Variants in NTHL1 observed in about 807,000 individuals in gnomAD.
The protein encoded by NTHL1 is nth like DNA glycosylase 1.
A neutral mutation model predicts 32.3 loss-of-function variants in NTHL1; 32 were observed. That is an observed-to-expected ratio of 0.99 (90% CI 0.75 to 1.33). The LOEUF (loss-of-function observed/expected upper bound fraction) is 1.33, where lower values mean the gene tolerates loss of function less well. NTHL1 is among the 40% of genes most tolerant of loss of function. The pLI is 0.00. For missense variants in NTHL1, 501 were observed against 414.1 expected (o/e 1.21, Z -1.82); for synonymous variants, 188 against 176.9 (o/e 1.06, Z -0.50).
Position 2,043,663 on chromosome 16 carries a change from G to C in NTHL1, c.589C>G (p.Pro197Ala), listed in dbSNP as rs897842210. 1 of 1,612,004 alleles carries C rather than the reference G, an allele frequency of 6.2e-7. No individual in the cohort carries two copies. The highest frequency in any genetic ancestry group is 8.5e-7 in the Non-Finnish European group (1 of 1,179,978). Residue 197 changes from proline to alanine, a missense_variant, in exon 4 of 6, where the codon CCA becomes GCA. Pro to Ala is a conservative substitution (Grantham distance 27). Coordinates refer to ENST00000651570, the MANE Select transcript of NTHL1 (RefSeq NM_002528.7). This position sits in a 1 kb window ranked among gnomAD's most constrained non-coding sequence, Gnocchi z 4.4. ...ILQQHYGGDI[P>A]ASVAELVALP... is the part of the protein sequence containing the mutation. ...GCCACCAGCTCGGCCACAGAGGCTGGGATGTCCCCACCGTAGTGCTGCTGC... is the reference window on the plus strand; with the variant it reads ...GCCACCAGCTCGGCCACAGAGGCTGCGATGTCCCCACCGTAGTGCTGCTGC...
At chr16:2,045,927 C>T (rs1032387867) in intron 2 of NTHL1, among the ~76,000 whole-genome samples, 5 of 152,194 alleles carry the variant, frequency 3.3e-5, no homozygotes, top group Admixed American at 2.0e-4. Context: ...GGCAGAAGTT[C>T]GAGCACGAGG....
rs2150945963 is a variant in NTHL1, at chr16:2,046,221, C to G, written c.261G>C (p.Gln87His). The change falls in exon 2 of 6, where the codon CAG becomes CAC. Residue 87 changes from glutamine to histidine, a missense_variant. By Grantham distance (24) the Gln-to-His change is conservative (BLOSUM62 0). Coordinates refer to ENST00000651570, the MANE Select transcript of NTHL1 (RefSeq NM_002528.7). Reference sequence around the variant, plus strand: ...TCCTCATGGCACGGATGTTGACCAGCTGTTGCTGCCAGTCCTGGGGCTCCC... The same window carrying G: ...TCCTCATGGCACGGATGTTGACCAGGTGTTGCTGCCAGTCCTGGGGCTCCC... ...PVWEPQDWQQ[Q>H]LVNIRAMRNK... 6.2e-7 allele frequency: 1 copy of G among 1,613,214 alleles called. No individual in the cohort carries two copies. Among genetic ancestry groups the G allele is most frequent in the South Asian group, 1.1e-5 (1 of 91,088 alleles).
At position 2,040,114 on chromosome 16, in the gene NTHL1, G is replaced by GC. The variant is rs775389995; in HGVS notation, c.791+18dup. On this transcript the variant is annotated intron_variant, in intron 5 of 5. Transcript: ENST00000651570. ...CGGGGTGAGCTCTTCTCCCTAGGAA[G>GC]CCCCCCACATACTCATACCTAGGCA... 2.2e-5 allele frequency: 36 copies of GC among 1,612,908 alleles called. No individual in the cohort carries two copies. The highest frequency in any genetic ancestry group is 2.7e-5 in the Non-Finnish European group (32 of 1,179,802).
chr16:2,040,450 C>T, intron 4 of NTHL1: 1 of 626,988 alleles, frequency 1.6e-6, no homozygotes, highest in Non-Finnish European at 2.9e-6. Flanking sequence ...GTGCAGGCCT[C>T]TCTCCCATCA....
rs774887697 is a variant in NTHL1, at chr16:2,044,732, G to A, written c.423C>T (p.Gly141=). 9 of 1,611,086 alleles carry A rather than the reference G, an allele frequency of 5.6e-6. No homozygotes were observed. Among genetic ancestry groups the A allele is most frequent in the Middle Eastern group, 1.7e-4 (1 of 6,050 alleles). The change falls in exon 3 of 6, where the codon GGC becomes GGT. Residue 141 remains glycine, a synonymous_variant. Coordinates refer to ENST00000651570, the MANE Select transcript of NTHL1 (RefSeq NM_002528.7). The surrounding 1 kb of genome is among the most constrained non-coding windows in gnomAD (Gnocchi z 5.0). ...SSQTKDQVTA[G]AMQRLRARGL... The stretch of plus-strand genomic sequence containing the variant: ...CCCGCGCCCGCAGTCGCTGCATGGC[G>A]CCCGCCGTCACCTGGTCTTTGGTTT...
intron 4 of NTHL1, chr16:2,041,955 G>C (rs1287266413): frequency 2.3e-6 from 1 of 443,346 alleles, no homozygotes; most frequent in East Asian, 7.1e-5. Context: ...GTTTCACCAC[G>C]TTGGCCAGGC....
At chr16:2,042,481 G>C (rs1252585683) in intron 4 of NTHL1, among the ~76,000 whole-genome samples, 4 of 152,124 alleles carry the variant, frequency 2.6e-5, no homozygotes, top group Non-Finnish European at 4.4e-5. Context: ...TGGCCCTCTT[G>C]CCCACCAGAA....
At chr16:2,046,488 A>G (rs1160042761) in intron 1 of NTHL1, 122 bp from the exon 2 acceptor site, 15 of 885,744 alleles carry the variant, frequency 1.7e-5, no homozygotes, top group Non-Finnish European at 2.6e-5. Flanking sequence ...CATCTAATAC[A>G]CTTGGGGTGC....
In NTHL1 at chr16:2,044,690, G is replaced by T; in HGVS notation, c.465C>A (p.Ser155Arg). Residue 155 changes from serine to arginine, a missense_variant, in exon 3 of 6, where the codon AGC becomes AGA. Coordinates refer to ENST00000651570, the MANE Select transcript of NTHL1 (RefSeq NM_002528.7). This position sits in a 1 kb window ranked among gnomAD's most constrained non-coding sequence, Gnocchi z 5.0. ...GCGTGGCATCATCTGTCTGCAGGAT[G>T]CTGTCCACCGTCAGGCCCCGCGCCC... The part of the protein sequence containing the change: ...RLRARGLTVD[S>R]ILQTDDATLG... 1 of 1,612,070 alleles carries T rather than the reference G, an allele frequency of 6.2e-7. No individual in the cohort carries two copies. Among genetic ancestry groups the T allele is most frequent in the Non-Finnish European group, 8.5e-7 (1 of 1,179,956 alleles).
chr16:2,040,177 C>G lies in NTHL1; in HGVS notation c.747G>C (p.Lys249Asn), dbSNP rs1411465858. ...GGGCGGCGCGGGTCTCCTCTGGGGA[C>G]TTGGTTGCCTTCTTGGTCCACCTCA... Reference protein sequence around the residue: ...NRLRWTKKATKSPEETRAALE... With the variant: ...NRLRWTKKATNSPEETRAALE... The change falls in exon 5 of 6, where the codon AAG becomes AAC. Residue 249 changes from lysine (K) to asparagine (N), a missense_variant. Lys to Asn is a moderately conservative substitution (Grantham distance 94). Transcript: ENST00000651570. 2 of 1,614,026 alleles carry G rather than the reference C, an allele frequency of 1.2e-6. No individual in the cohort carries two copies. Among genetic ancestry groups the G allele is most frequent in the Non-Finnish European group, 1.7e-6 (2 of 1,180,030 alleles).
intron 4 of NTHL1, among the ~76,000 whole-genome samples, chr16:2,042,707 A>C (rs1458321028): frequency 2.6e-5 from 4 of 151,928 alleles, no homozygotes; most frequent in Non-Finnish European, 4.4e-5. Context: ...AACTGCCAAG[A>C]AGCCTCCGGT....
chr16:2,042,989 A>AC (rs1034638740), intron 4 of NTHL1, among the ~76,000 whole-genome samples: 2 of 52,470 alleles, frequency 3.8e-5, no homozygotes, highest in African/African-American at 1.5e-4. Context: ...CTCCCTCCCC[A>AC]CCCCACCTGC....
chr16:2,039,885 G>A lies in NTHL1; in HGVS notation c.*39C>T, dbSNP rs548942186. ...TGAAGCGTAAAGCCACTTCACAGAC[G>A]GTGGCCACAGCGGCACCTCGGCCAG... On this transcript the variant is annotated 3_prime_UTR_variant, in exon 6 of 6. Coordinates refer to ENST00000651570, the MANE Select transcript of NTHL1 (RefSeq NM_002528.7). 48 of 1,597,746 alleles carry A rather than the reference G, an allele frequency of 3.0e-5. No individual in the cohort carries two copies. Among genetic ancestry groups the A allele is most frequent in the Middle Eastern group, 1.8e-4 (1 of 5,520 alleles).
chr16:2,047,777 C>T lies in NTHL1; in HGVS notation c.47G>A (p.Gly16Glu), dbSNP rs747325774. Residue 16 changes from glycine (G) to glutamate (E), a missense_variant, in exon 1 of 6, where the codon GGA becomes GAA. Coordinates refer to ENST00000651570, the MANE Select transcript of NTHL1 (RefSeq NM_002528.7). Reference protein sequence around the residue: ...ARMLTRSRSLGPGAGPRGCRE... With the variant: ...ARMLTRSRSLEPGAGPRGCRE... Reference sequence around the variant, plus strand: ...ACACCCCCGCGGCCCAGCCCCGGGTCCCAGGCTCCGGCTCCGGGTCAGCAT... The same window carrying T: ...ACACCCCCGCGGCCCAGCCCCGGGTTCCAGGCTCCGGCTCCGGGTCAGCAT... 6.3e-7 allele frequency: 1 copy of T among 1,588,954 alleles called. No homozygotes were observed. The highest frequency in any genetic ancestry group is 8.5e-7 in the Non-Finnish European group (1 of 1,172,942).
At chr16:2,040,707 C>T (rs2084255345) in intron 4 of NTHL1, among the ~76,000 whole-genome samples, 1 of 152,170 alleles carries the variant, frequency 6.6e-6, no homozygotes, top group Non-Finnish European at 1.5e-5. Flanking sequence ...ATGCTGAAAC[C>T]GAGGCCCGGC....
chr16:2,043,938 C>T lies in NTHL1; in HGVS notation c.526-212G>A. 3.3e-6 allele frequency: 2 copies of T among 599,196 alleles called. No individual in the cohort carries two copies. Among genetic ancestry groups the T allele is most frequent in the Non-Finnish European group, 6.0e-6 (2 of 334,236 alleles). The allele number at this position is 599,196 out of a possible 1,614,324, so 37.1% of individuals were successfully genotyped here. ...GACCCCCTCCTCCCACCCGTGTGGGCCAATGATGCACGTGTAGGCTCTGGC... is the reference window on the plus strand; with the variant it reads ...GACCCCCTCCTCCCACCCGTGTGGGTCAATGATGCACGTGTAGGCTCTGGC... On this transcript the variant is annotated intron_variant, in intron 3 of 5. Transcript: ENST00000651570. The surrounding 1 kb of genome is among the most constrained non-coding windows in gnomAD (Gnocchi z 4.4).
At chr16:2,045,765 C>G (rs975283813) in intron 2 of NTHL1, among the ~76,000 whole-genome samples, 1 of 152,188 alleles carries the variant, frequency 6.6e-6, no homozygotes, top group African/African-American at 2.4e-5. Context: ...GACAAGCAAA[C>G]TGAGGCTCAG....
rs112375837 is a variant in NTHL1 at position 2,043,540 on chromosome 16, G to A, written c.685+27C>T. 1.2e-6 allele frequency: 2 copies of A among 1,601,392 alleles called. No homozygotes were observed. Among genetic ancestry groups the A allele is most frequent in the Non-Finnish European group, 1.7e-6 (2 of 1,179,732 alleles). Reference sequence around the variant, plus strand: ...AATCCCAAGAGCAGCCAGTGGGCTGGAGCCAGCCCCGCCCTCCTCTACTCA... The same window carrying A: ...AATCCCAAGAGCAGCCAGTGGGCTGAAGCCAGCCCCGCCCTCCTCTACTCA... On this transcript the variant is annotated intron_variant, in intron 4 of 5. Coordinates refer to ENST00000651570, the MANE Select transcript of NTHL1 (RefSeq NM_002528.7). This position sits in a 1 kb window ranked among gnomAD's most constrained non-coding sequence, Gnocchi z 4.4.
Position 2,044,971 on chromosome 16 carries a change from A to G in NTHL1, c.355-171T>C. 1 of 645,494 alleles carries G rather than the reference A, an allele frequency of 1.5e-6. No homozygotes were observed. The highest frequency in any genetic ancestry group is 2.0e-5 in the South Asian group (1 of 51,022). 40.0% of individuals were successfully genotyped at this position (645,494 alleles called of 1,614,324 possible). A position where few individuals can be genotyped will look rare whatever the true frequency, so the allele number is the denominator to read the frequency against. On this transcript the variant is annotated intron_variant, in intron 2 of 5. Transcript: ENST00000651570. The surrounding 1 kb of genome is among the most constrained non-coding windows in gnomAD (Gnocchi z 5.0). ...CTGGTTTGGGTATGTTTGGTCATCTACAACACCAGGACAATAATAGTACCT... is the reference window on the plus strand; with the variant it reads ...CTGGTTTGGGTATGTTTGGTCATCTGCAACACCAGGACAATAATAGTACCT...
Sources: allele counts gnomAD v4.1 joint callset (sites outside exome capture counted in the v4.1 genomes callset), GRCh38; gene constraint gnomAD v4.1.1; non-coding constraint Gnocchi (gnomAD v3.1); transcripts MANE v1.5; gene names NCBI Gene and HGNC (gene_info 2026-07-23, HGNC 2026-07-21).